Variants in VCAN observed in about 807,000 individuals in gnomAD.
VCAN encodes the protein versican core protein.
In VCAN, 44 loss-of-function variants were observed where a neutral mutation model predicts 245.5. The observed-to-expected ratio is 0.18, with a 90% CI of 0.14 to 0.23. The LOEUF (loss-of-function observed/expected upper bound fraction) is 0.23, where lower values mean the gene tolerates loss of function less well. VCAN is among the 10% of genes least tolerant of loss of function. VCAN has a pLI of 1.00. For missense variants in VCAN, 3,793 were observed against 4,057.9 expected (o/e 0.93, Z 1.77); for synonymous variants, 1,413 against 1,437.0 (o/e 0.98, Z 0.38).
chr5:83,476,231 A>G (rs1744383821), intron 1 of VCAN, among the ~76,000 whole-genome samples: 1 of 152,256 alleles, frequency 6.6e-6, no homozygotes, highest in South Asian at 2.1e-4. Flanking sequence ...TCTGTCTCCC[A>G]AAGTCTGGCA....
chr5:83,515,417 C>T (rs1745811189), intron 6 of VCAN, among the ~76,000 whole-genome samples: 1 of 152,122 alleles, frequency 6.6e-6, no homozygotes, highest in Admixed American at 6.5e-5. Context: ...TATTCCATGA[C>T]CTTCACTCTC....
chr5:83,489,054 C>G (rs1744881263), intron 2 of VCAN, among the ~76,000 whole-genome samples: 2 of 152,074 alleles, frequency 1.3e-5, no homozygotes, highest in African/African-American at 4.8e-5. Flanking sequence ...CCAATGCATG[C>G]CCATGTTGAG....
In VCAN at chr5:83,537,325, A is replaced by G; in HGVS notation, c.4322A>G (p.Gln1441Arg). ...RGQFESVAPSQNFSDSSESDT... is the reference protein window; with the variant it reads ...RGQFESVAPSRNFSDSSESDT... Reference sequence around the variant, plus strand: ...CAGTTTGAAAGTGTTGCACCTTCTCAGAATTTCTCGGACAGCTCTGAAAGT... The same window carrying G: ...CAGTTTGAAAGTGTTGCACCTTCTCGGAATTTCTCGGACAGCTCTGAAAGT... The change falls in exon 8 of 15, where the codon CAG becomes CGG. Residue 1441 changes from glutamine to arginine, a missense_variant. Around this residue, in one of 5 missense-constraint regions of VCAN, gnomAD observed 3,182 missense variants for 3,250.3 expected, o/e 0.98. Coordinates refer to ENST00000265077, the MANE Select transcript of VCAN (RefSeq NM_004385.5). 1 of 1,614,026 alleles carries G rather than the reference A, an allele frequency of 6.2e-7. No individual in the cohort carries two copies. Among genetic ancestry groups the G allele is most frequent in the Non-Finnish European group, 8.5e-7 (1 of 1,179,948 alleles).
chr5:83,487,773 C>T (rs1267801409), intron 2 of VCAN, among the ~76,000 whole-genome samples: 1 of 152,100 alleles, frequency 6.6e-6, no homozygotes, highest in South Asian at 2.1e-4. Flanking sequence ...TTCCAACATA[C>T]CTTTTCTTTA....
chr5:83,536,611 T>C (rs1580037668), intron 7 of VCAN: 1 of 156,552 alleles, frequency 6.4e-6, no homozygotes, highest in East Asian at 1.9e-4. Context: ...CTATATGATA[T>C]GGCCTCAATT....
chr5:83,563,255 A>T (rs996046021), intron 12 of VCAN, among the ~76,000 whole-genome samples: 2 of 152,188 alleles, frequency 1.3e-5, no homozygotes, highest in Admixed American at 1.3e-4. Context: ...AGAAGGACCC[A>T]GACTAGACTA....
rs551575784 is a variant in VCAN, at chr5:83,478,125, T to C, written c.-6-5388T>C. On this transcript the variant is annotated intron_variant, in intron 1 of 14. Coordinates refer to ENST00000265077, the MANE Select transcript of VCAN (RefSeq NM_004385.5). The stretch of plus-strand genomic sequence containing the variant: ...GCTTGGCTAATTTTCGTGTTTTTAG[T>C]AGAGTGGGGTTTCACCATGTTGGCC... Among the ~76,000 whole-genome samples the C allele has an allele frequency of 3.7e-3, 557 of 152,078 alleles. 3 individuals are homozygous for C. The highest frequency in any genetic ancestry group is 5.5e-3 in the Non-Finnish European group (373 of 67,976).
At position 83,520,350 on chromosome 5, in the gene VCAN, C is replaced by T. The variant is rs143356310; in HGVS notation, c.2044C>T (p.His682Tyr). The T allele has an allele frequency of 1.2e-6, 2 of 1,612,458 alleles. No homozygotes were observed. Among genetic ancestry groups the T allele is most frequent in the Non-Finnish European group, 1.7e-6 (2 of 1,179,440 alleles). The change falls in exon 7 of 15, where the codon CAT (histidine) becomes TAT (tyrosine). Residue 682 changes from histidine (H) to tyrosine (Y), a missense_variant. His to Tyr is a moderately conservative substitution (Grantham distance 83, BLOSUM62 2). Around this residue, in one of 5 missense-constraint regions of VCAN, gnomAD observed 3,182 missense variants for 3,250.3 expected, o/e 0.98. Coordinates refer to ENST00000265077, the MANE Select transcript of VCAN (RefSeq NM_004385.5). The part of the protein sequence containing the change: ...IYPSLQTEMT[H>Y]RRERTETLIP... ...TCCTTCTCTACAAACAGAAATGACA[C>T]ATAGAAGAGAAAGAACAGAAACACT...
At chr5:83,491,767 A>ATCGTAT (rs1444970629) in intron 3 of VCAN, among the ~76,000 whole-genome samples, 1 of 152,184 alleles carries the variant, frequency 6.6e-6, no homozygotes, top group Non-Finnish European at 1.5e-5. Context: ...ATACTTATAC[A>ATCGTAT]GATTGAAGTT....
At chr5:83,569,831 T>C (rs1395533214) in intron 12 of VCAN, among the ~76,000 whole-genome samples, 2 of 152,168 alleles carry the variant, frequency 1.3e-5, no homozygotes, top group Non-Finnish European at 2.9e-5. Flanking sequence ...TAGATTTTTG[T>C]TAGTTTTAAT....
intron 7 of VCAN, chr5:83,531,532 A>G (rs905722795): frequency 6.6e-6 from 1 of 152,188 alleles, no homozygotes; most frequent in Non-Finnish European, 1.5e-5. Context: ...TATTTTTTAA[A>G]TAGGAAAACA....
chr5:83,540,571 G>A lies in VCAN; in HGVS notation c.7568G>A (p.Arg2523His), dbSNP rs139938317. 1.9e-4 allele frequency: 301 copies of A among 1,613,876 alleles called. 1 individual carries two copies. In the African/African-American group the frequency reaches 2.3e-3, roughly 12 times the overall value. The change falls in exon 8 of 15, where the codon CGT becomes CAT. Residue 2523 changes from arginine (R) to histidine (H), a missense_variant. Around this residue, in one of 5 missense-constraint regions of VCAN, gnomAD observed 3,182 missense variants for 3,250.3 expected, o/e 0.98. Transcript: ENST00000265077. ...TCCACAGACGGTAGTTTCCAAGACC[G>A]TTTCAGGGAATTCGAGGATTCCACC... Reference protein sequence around the residue: ...ERSTDGSFQDRFREFEDSTLK... With the variant: ...ERSTDGSFQDHFREFEDSTLK...
intron 1 of VCAN, among the ~76,000 whole-genome samples, chr5:83,479,523 G>C (rs988571225): frequency 6.6e-6 from 1 of 152,030 alleles, no homozygotes; most frequent in Non-Finnish European, 1.5e-5. Flanking sequence ...GGAGTAGAAG[G>C]CTAAATATAG....
chr5:83,559,854 A>G (rs1747801165), intron 12 of VCAN, among the ~76,000 whole-genome samples: 1 of 151,842 alleles, frequency 6.6e-6, no homozygotes, highest in Non-Finnish European at 1.5e-5. Context: ...TGCTCAGCCA[A>G]CTCTATCTTT....
chr5:83,496,322 T>TG (rs1745160982), intron 5 of VCAN, among the ~76,000 whole-genome samples: 1 of 152,228 alleles, frequency 6.6e-6, no homozygotes, highest in Admixed American at 6.5e-5. Flanking sequence ...TGTGTCCCAA[T>TG]GTAACCCAAC....
At chr5:83,563,662 C>A (rs1006162328) in intron 12 of VCAN, among the ~76,000 whole-genome samples, 1 of 152,114 alleles carries the variant, frequency 6.6e-6, no homozygotes, top group Admixed American at 6.5e-5. Flanking sequence ...TCTGCTTGCC[C>A]TTGGTATCCA....
chr5:83,531,908 C>T (rs1043657756), intron 7 of VCAN, among the ~76,000 whole-genome samples: 1 of 151,668 alleles, frequency 6.6e-6, no homozygotes, highest in Non-Finnish European at 1.5e-5. Flanking sequence ...TGTTAAAATA[C>T]ATTCATATAA....
At chr5:83,535,526 G>T (rs1746670925) in intron 7 of VCAN, 1 of 152,048 alleles carries the variant, frequency 6.6e-6, no homozygotes, top group Admixed American at 6.6e-5. Context: ...TGTCTTGGTA[G>T]TTCCTACACT....
At chr5:83,563,025 A>G (rs1489593531) in intron 12 of VCAN, among the ~76,000 whole-genome samples, 5 of 152,146 alleles carry the variant, frequency 3.3e-5, no homozygotes, top group Admixed American at 2.6e-4. Flanking sequence ...CCACTTTAAC[A>G]ACTATCAGGA....
Sources: allele counts gnomAD v4.1 joint callset (sites outside exome capture counted in the v4.1 genomes callset), GRCh38; gene constraint gnomAD v4.1.1; regional missense constraint gnomAD v4.1.1; transcripts MANE v1.5; gene names NCBI Gene and HGNC (gene_info 2026-07-23, HGNC 2026-07-21).